The following PLAAT1 variants were observed in gnomAD, a reference collection of about 807,000 sequenced individuals.
The protein encoded by PLAAT1 is H-REV107 protein-related protein.
A neutral mutation model predicts 16.4 loss-of-function variants in PLAAT1; 13 were observed. The observed-to-expected ratio is 0.79, with a 90% CI of 0.52 to 1.26. PLAAT1 has a LOEUF of 1.26. Among genes scored for constraint, PLAAT1 ranks in the 50% most tolerant of loss-of-function variants. The pLI is 0.00. For synonymous variants in PLAAT1, 73 were observed against 78.4 expected (o/e 0.93, Z 0.36); for missense variants, 218 against 207.8 (o/e 1.05, Z -0.30).
At chr3:193,265,622 T>C (rs941953580) in intron 3 of PLAAT1, among the ~76,000 whole-genome samples, 2 of 151,410 alleles carry the variant, frequency 1.3e-5, no homozygotes, top group Admixed American at 1.3e-4. Context: ...TGGGTAAATA[T>C]ATGGTGTGCT....
intron 1 of PLAAT1, among the ~76,000 whole-genome samples, chr3:193,249,132 C>T (rs1716095122): frequency 6.6e-6 from 1 of 151,972 alleles, no homozygotes; most frequent in African/African-American, 2.4e-5. Context: ...GCTCTTTGAC[C>T]ATATCTTATT....
Position 193,241,520 on chromosome 3 carries a change from G to GGCTT in PLAAT1, c.-12_-9dup, listed in dbSNP as rs1242861076. On this transcript the variant is annotated 5_prime_UTR_variant, in exon 1 of 4. Coordinates refer to ENST00000264735, the MANE Select transcript of PLAAT1 (RefSeq NM_020386.5). Reference sequence around the variant, plus strand: ...CCTCCCGGTGCGAGAAGAAGACCCCGGCTTGAGAGTGAGGTGTGCTGGGCG... The same window carrying GGCTT: ...CCTCCCGGTGCGAGAAGAAGACCCCGGCTTGCTTGAGAGTGAGGTGTGCTGGGCG... 1 of 1,231,746 alleles carries GGCTT rather than the reference G, an allele frequency of 8.1e-7. No individual in the cohort carries two copies. Among genetic ancestry groups the GGCTT allele is most frequent in the Non-Finnish European group, 1.0e-6 (1 of 988,118 alleles). 76.3% of individuals were successfully genotyped at this position (1,231,746 alleles called of 1,614,324 possible). A position where few individuals can be genotyped will look rare whatever the true frequency, so the allele number is the denominator to read the frequency against.
chr3:193,243,040 C>T (rs1017647475), intron 1 of PLAAT1, among the ~76,000 whole-genome samples: 2 of 152,134 alleles, frequency 1.3e-5, no homozygotes, highest in African/African-American at 4.8e-5. Flanking sequence ...TTTGATGCAT[C>T]CCCAGGGACC....
intron 1 of PLAAT1, among the ~76,000 whole-genome samples, chr3:193,253,959 C>T (rs1429066272): frequency 6.6e-6 from 1 of 152,082 alleles, no homozygotes; most frequent in East Asian, 1.9e-4. Context: ...ACTTTGGCTG[C>T]ATCTCGGAAT....
Position 193,255,519 on chromosome 3 carries a change from C to A in PLAAT1, c.1-132C>A. 7 of 813,744 alleles carry A rather than the reference C, an allele frequency of 8.6e-6. 1 individual carries two copies. The highest frequency in any genetic ancestry group is 3.2e-4 in the Middle Eastern group (1 of 3,152). The allele number at this position is 813,744 out of a possible 1,614,324, so 50.4% of individuals were successfully genotyped here. A position where few individuals can be genotyped will look rare whatever the true frequency, so the allele number is the denominator to read the frequency against. On this transcript the variant is annotated intron_variant, in intron 1 of 3. Coordinates refer to ENST00000264735, the MANE Select transcript of PLAAT1 (RefSeq NM_020386.5). Reference sequence around the variant, plus strand: ...AATCATTCAAAGAAAAGGACAGGGTCGTGATTCTAAGTCTTTAATATAGAA... The same window carrying A: ...AATCATTCAAAGAAAAGGACAGGGTAGTGATTCTAAGTCTTTAATATAGAA...
intron 1 of PLAAT1, among the ~76,000 whole-genome samples, chr3:193,243,465 A>G (rs1283176875): frequency 6.6e-6 from 1 of 152,210 alleles, no homozygotes; most frequent in Non-Finnish European, 1.5e-5. Flanking sequence ...GTTCCACTTC[A>G]CATTATCTTC....
intron 2 of PLAAT1, among the ~76,000 whole-genome samples, chr3:193,258,199 G>C (rs1005056704): frequency 6.6e-6 from 1 of 152,112 alleles, no homozygotes; most frequent in Non-Finnish European, 1.5e-5. Context: ...AAATCAAAAA[G>C]TTATTTGAAA....
At chr3:193,273,191 T>C (rs542509391), downstream of PLAAT1, among the ~76,000 whole-genome samples, 1 of 152,320 alleles carries the variant, frequency 6.6e-6, no homozygotes, top group South Asian at 2.1e-4. Context: ...ATTCTAAAAG[T>C]CAAATTACTA....
At chr3:193,246,954 T>G (rs1043541911) in intron 1 of PLAAT1, among the ~76,000 whole-genome samples, 2 of 152,174 alleles carry the variant, frequency 1.3e-5, no homozygotes, top group African/African-American at 4.8e-5. Context: ...CTTGAGCACT[T>G]AATGGGATTC....
chr3:193,249,371 A>G (rs778097636), intron 1 of PLAAT1, among the ~76,000 whole-genome samples: 3 of 152,200 alleles, frequency 2.0e-5, no homozygotes, highest in Non-Finnish European at 4.4e-5. Context: ...TCGCAATTGC[A>G]GTAGATTCTT....
chr3:193,261,335 T>A (rs1018285485), intron 2 of PLAAT1, among the ~76,000 whole-genome samples: 7 of 149,688 alleles, frequency 4.7e-5, no homozygotes, highest in African/African-American at 1.7e-4. Context: ...GCCACTACAC[T>A]CCAGCCTGGG....
chr3:193,251,812 T>A (rs1345870528), intron 1 of PLAAT1, among the ~76,000 whole-genome samples: 1 of 152,148 alleles, frequency 6.6e-6, no homozygotes, highest in African/African-American at 2.4e-5. Flanking sequence ...ATTCTGCCTT[T>A]CTTTTGGAGA....
downstream of PLAAT1, chr3:193,279,586 A>G: frequency 1.5e-6 from 1 of 658,308 alleles, no homozygotes; most frequent in Non-Finnish European, 2.7e-6. Flanking sequence ...ATATCCTCAT[A>G]TGTTTTGAAA....
intron 2 of PLAAT1, among the ~76,000 whole-genome samples, chr3:193,261,364 T>TAA (rs879650593): frequency 1.0e-4 from 14 of 135,352 alleles, no homozygotes; most frequent in African/African-American, 3.0e-4. Flanking sequence ...CAAGACTCCA[T>TAA]AAAAAAAAAA....
downstream of PLAAT1, among the ~76,000 whole-genome samples, chr3:193,272,307 G>A (rs564312025): frequency 6.6e-6 from 1 of 152,178 alleles, no homozygotes; most frequent in African/African-American, 2.4e-5. Context: ...GCCAGGCGTG[G>A]TGGCGGGCGC....
chr3:193,240,941 G>GCGC (rs1234552805), upstream of PLAAT1, among the ~76,000 whole-genome samples: 159 of 152,286 alleles, frequency 1.0e-3, 1 homozygote, highest in African/African-American at 3.7e-3. Context: ...TATAACCGCG[G>GCGC]CGCCTAGCAC....
chr3:193,277,398 A>G (rs1181028415), intron 2 of PLAAT1, among the ~76,000 whole-genome samples: 1 of 152,174 alleles, frequency 6.6e-6, no homozygotes, highest in Non-Finnish European at 1.5e-5. Context: ...ATGCTTATTT[A>G]AAGTGTGAGA....
intron 1 of PLAAT1, among the ~76,000 whole-genome samples, chr3:193,253,713 T>A (rs753637853): frequency 1.3e-5 from 2 of 152,176 alleles, no homozygotes; most frequent in Non-Finnish European, 2.9e-5. Context: ...CTCACATCAG[T>A]AACACCTAGT....
intron 3 of PLAAT1, among the ~76,000 whole-genome samples, chr3:193,266,393 A>G (rs1716777650): frequency 6.6e-6 from 1 of 152,222 alleles, no homozygotes; most frequent in African/African-American, 2.4e-5. Context: ...CCATCTTCTT[A>G]TTTGACTATA....
Sources: allele counts gnomAD v4.1 joint callset (sites outside exome capture counted in the v4.1 genomes callset), GRCh38; gene constraint gnomAD v4.1.1; transcripts MANE v1.5; gene names NCBI Gene and HGNC (gene_info 2026-07-23, HGNC 2026-07-21).